The following TBC1D14 variants were observed in gnomAD, a reference collection of about 807,000 sequenced individuals.
TBC1D14 encodes the protein TBC1 domain family member 14.
A neutral mutation model predicts 79.0 loss-of-function variants in TBC1D14; 26 were observed. The observed-to-expected ratio is 0.33, with a 90% CI of 0.24 to 0.46. The LOEUF is 0.46. TBC1D14 is among the 20% of genes least tolerant of loss of function. TBC1D14 has a pLI of 1.00. For synonymous variants in TBC1D14, 394 were observed against 349.9 expected, an observed-to-expected ratio of 1.13 and a Z score of -1.40; for missense variants, 769 against 887.6, an observed-to-expected ratio of 0.87 and a Z score of 1.70.
At chr4:6,952,876 C>T (rs1714171964) in intron 2 of TBC1D14, among the ~76,000 whole-genome samples, 1 of 151,930 alleles carries the variant, frequency 6.6e-6, no homozygotes, top group Non-Finnish European at 1.5e-5. Flanking sequence ...GAGATGGAGT[C>T]TCACTCTGTC....
chr4:6,995,034 C>T (rs570589191), intron 4 of TBC1D14, among the ~76,000 whole-genome samples: 26 of 152,282 alleles, frequency 1.7e-4, no homozygotes, highest in African/African-American at 6.0e-4. Context: ...GGCGGACTCT[C>T]CTGCAAGTGA....
intron 3 of TBC1D14, among the ~76,000 whole-genome samples, chr4:6,974,729 A>T (rs1716558389): frequency 6.6e-6 from 1 of 152,196 alleles, no homozygotes; most frequent in South Asian, 2.1e-4. Context: ...CATTCTCCCA[A>T]GGGTTGAGAG....
intron 4 of TBC1D14, chr4:6,995,499 A>G (rs1718927344): frequency 6.6e-6 from 1 of 150,830 alleles, no homozygotes; most frequent in Admixed American, 6.6e-5. Flanking sequence ...GCTAATCTTT[A>G]TCATTCATTT....
intron 7 of TBC1D14, among the ~76,000 whole-genome samples, chr4:7,003,772 G>A (rs1334108286): frequency 1.3e-5 from 2 of 151,946 alleles, no homozygotes; most frequent in Admixed American, 6.6e-5. Context: ...GGTTGTGGCA[G>A]GGGGGAATCA....
chr4:6,977,136 C>T (rs2109080292), intron 3 of TBC1D14, among the ~76,000 whole-genome samples: 1 of 105,102 alleles, frequency 9.5e-6, no homozygotes. Flanking sequence ...CGGTCTCCCT[C>T]TCCCTCTCTT....
intron 3 of TBC1D14, among the ~76,000 whole-genome samples, chr4:6,976,419 A>G (rs557581075): frequency 2.6e-5 from 4 of 152,246 alleles, no homozygotes; most frequent in Non-Finnish European, 4.4e-5. Flanking sequence ...AAAAAATCAT[A>G]TAAGCAACCA....
intron 2 of TBC1D14, among the ~76,000 whole-genome samples, chr4:6,960,497 C>G (rs1351484107): frequency 6.6e-6 from 1 of 152,170 alleles, no homozygotes; most frequent in Non-Finnish European, 1.5e-5. Flanking sequence ...AATGCAGATG[C>G]AGGTGTTACA....
chr4:6,982,127 G>A (rs1379602094), intron 3 of TBC1D14, among the ~76,000 whole-genome samples: 1 of 152,118 alleles, frequency 6.6e-6, no homozygotes, highest in Non-Finnish European at 1.5e-5. Context: ...CCACTCTTAG[G>A]TGTTTGCCAT....
chr4:6,993,648 T>A (rs1388765073), intron 3 of TBC1D14, among the ~76,000 whole-genome samples: 1 of 152,172 alleles, frequency 6.6e-6, no homozygotes. Context: ...AGATCCTTTG[T>A]TATTTCCCCA....
chr4:6,958,894 T>TG (rs1714917559), intron 2 of TBC1D14, among the ~76,000 whole-genome samples: 1 of 151,634 alleles, frequency 6.6e-6, no homozygotes, highest in African/African-American at 2.4e-5. Flanking sequence ...GTAGCATTTT[T>TG]TTTTTTTGAG....
Position 7,005,139 on chromosome 4 carries a change from C to T in TBC1D14, c.1351+215C>T, listed in dbSNP as rs113387512. ...AATTGGCCGGGTGTGGTGACTCATG[C>T]CTGTAATCCCAGCACTTTGGGAGGC... On this transcript the variant is annotated intron_variant, in intron 8 of 13. Coordinates refer to ENST00000409757, the MANE Select transcript of TBC1D14 (RefSeq NM_020773.3). 8.2e-3 allele frequency among the ~76,000 whole-genome samples: 1,255 copies of T among 152,250 alleles called. 17 individuals are homozygous for T. Among genetic ancestry groups the T allele is most frequent in the Admixed American group, 0.023 (358 of 15,284 alleles).
At chr4:6,974,909 T>G (rs1031492684) in intron 3 of TBC1D14, among the ~76,000 whole-genome samples, 33 of 152,094 alleles carry the variant, frequency 2.2e-4, no homozygotes, top group South Asian at 2.1e-4. Context: ...TTGTTTGTTT[T>G]TGTTTTGTTT....
chr4:6,922,665 A>G (rs1055385085), intron 1 of TBC1D14, among the ~76,000 whole-genome samples: 5 of 152,156 alleles, frequency 3.3e-5, no homozygotes, highest in Non-Finnish European at 7.3e-5. Context: ...TCTCAGAACA[A>G]GTAGATCCTT....
intron 1 of TBC1D14, chr4:6,910,677 G>C (rs1188561942): frequency 6.6e-6 from 1 of 152,256 alleles, no homozygotes; most frequent in African/African-American, 2.4e-5. Context: ...GATGGGAACA[G>C]CTGGTCAGGA....
intron 3 of TBC1D14, among the ~76,000 whole-genome samples, chr4:6,972,474 G>A (rs542646871): frequency 3.9e-5 from 6 of 152,168 alleles, no homozygotes; most frequent in Non-Finnish European, 7.4e-5. Context: ...CTGCCCGTTC[G>A]CCCACCTTTT....
In TBC1D14 at chr4:6,909,828, C is replaced by G. The variant is rs1560232243; in HGVS notation, c.-141C>G. The G allele has an allele frequency of 6.7e-6, 1 of 148,310 alleles. No individual in the cohort carries two copies. The highest frequency in any genetic ancestry group is 1.5e-5 in the Non-Finnish European group (1 of 66,502). 9.2% of individuals were successfully genotyped at this position (148,310 alleles called of 1,614,324 possible). On this transcript the variant is annotated 5_prime_UTR_variant, in exon 1 of 14. Transcript: ENST00000409757. ...TTCGCCGCGGGCTGCTCGCGCGCAC[C>G]TGCGGGTCGGACCCGCTGCCTACCG...
At chr4:6,926,018 T>C (rs1198531694) in intron 2 of TBC1D14, among the ~76,000 whole-genome samples, 1 of 152,202 alleles carries the variant, frequency 6.6e-6, no homozygotes, top group Non-Finnish European at 1.5e-5. Context: ...TCAACCGACC[T>C]GTGCCATGTC....
chr4:6,986,889 A>T (rs1343813202), intron 3 of TBC1D14, among the ~76,000 whole-genome samples: 1 of 152,242 alleles, frequency 6.6e-6, no homozygotes, highest in Admixed American at 6.5e-5. Context: ...GAGCCACGGT[A>T]GCCCGTAAAA....
intron 2 of TBC1D14, among the ~76,000 whole-genome samples, chr4:6,928,306 G>T (rs200355350): frequency 2.0e-5 from 3 of 152,178 alleles, no homozygotes; most frequent in African/African-American, 7.2e-5. Context: ...ACCACTTCCC[G>T]ACCTGGCTGG....
Sources: allele counts gnomAD v4.1 joint callset (sites outside exome capture counted in the v4.1 genomes callset), GRCh38; gene constraint gnomAD v4.1.1; transcripts MANE v1.5; gene names NCBI Gene and HGNC (gene_info 2026-07-23, HGNC 2026-07-21).